Variants in AAK1 observed in about 807,000 individuals in gnomAD.
AAK1 encodes the protein AP2 associated kinase 1, also known as AP2-associated protein kinase 1.
A neutral mutation model predicts 116.0 loss-of-function variants in AAK1; 37 were observed. That is an observed-to-expected ratio of 0.32 (90% CI 0.25 to 0.42). The LOEUF (loss-of-function observed/expected upper bound fraction) is 0.42. Among genes scored for constraint, AAK1 ranks in the 10% least tolerant of loss-of-function variants. The probability of loss-of-function intolerance (pLI) is 1.00; values close to 1 mark genes in which losing one functional copy is unlikely to be tolerated. For missense variants in AAK1, 919 were observed against 1,170.6 expected (o/e 0.79, Z 3.14); for synonymous variants, 458 against 439.9 (o/e 1.04, Z -0.51).
chr2:69,552,644 G>A (rs989846386), intron 3 of AAK1, among the ~76,000 whole-genome samples: 2 of 152,018 alleles, frequency 1.3e-5, no homozygotes, highest in Admixed American at 6.6e-5. Context: ...CTGGGAGGCA[G>A]AGATTGCAGT....
In AAK1 at chr2:69,514,621, CTGTTGT is replaced by C. The variant is rs3832159; in HGVS notation, c.1620_1625del (p.Gln545_Gln546del). ...GGGCTGTGGCCAGCTGTTGCTGTTG[CTGTTGT>C]TGTTGCTGCTGCTGCTGCTGCTGGT... On this transcript the variant is annotated inframe_deletion, in exon 13 of 22. Coordinates refer to ENST00000409085, the MANE Select transcript of AAK1 (RefSeq NM_014911.5). 3 of 1,597,388 alleles carry C rather than the reference CTGTTGT, an allele frequency of 1.9e-6. No homozygotes were observed. The highest frequency in any genetic ancestry group is 4.5e-5 in the East Asian group (2 of 44,412).
intron 2 of AAK1, among the ~76,000 whole-genome samples, chr2:69,573,503 G>A (rs112298500): frequency 4.6e-5 from 7 of 152,054 alleles, no homozygotes; most frequent in Non-Finnish European, 7.4e-5. Flanking sequence ...GGAAAGGAAT[G>A]GGAGCTGAGT....
chr2:69,541,060 C>A (rs554153012), intron 5 of AAK1, among the ~76,000 whole-genome samples: 1 of 151,728 alleles, frequency 6.6e-6, no homozygotes, highest in Non-Finnish European at 1.5e-5. Context: ...AATACAGAGA[C>A]AGAAAGTAGA....
rs1674519087 is a variant in AAK1, at chr2:69,467,280, A to C, written c.*8589T>G. On this transcript the variant is annotated 3_prime_UTR_variant, in exon 22 of 22. Transcript: ENST00000409085. ...GCCATAAAGTTCTTTAAGCAGAAGG[A>C]GTAAAATGCATGGGCCATTACAGAA... is the stretch of plus-strand genomic sequence containing the variant. The C allele has an allele frequency of 1.0e-6, 1 of 985,346 alleles. No individual in the cohort carries two copies. Among genetic ancestry groups the C allele is most frequent in the East Asian group, 1.1e-4 (1 of 8,826 alleles). The allele number at this position is 985,346 out of a possible 1,614,324, so 61.0% of individuals were successfully genotyped here.
chr2:69,639,666 G>C (rs543594391), intron 2 of AAK1, among the ~76,000 whole-genome samples: 16 of 152,250 alleles, frequency 1.1e-4, no homozygotes, highest in African/African-American at 2.2e-4. Flanking sequence ...ACCCACGCTA[G>C]AGAAAAAGAG....
intron 2 of AAK1, among the ~76,000 whole-genome samples, chr2:69,636,405 C>CCTT (rs901635668): frequency 1.3e-5 from 2 of 152,122 alleles, no homozygotes; most frequent in Non-Finnish European, 2.9e-5. Flanking sequence ...GAACTTCATC[C>CCTT]TAAGTATATA....
intron 18 of AAK1, 129 bp from the exon 19 acceptor site, chr2:69,481,090 A>G (rs1675072205): frequency 1.3e-6 from 1 of 790,810 alleles, no homozygotes; most frequent in Non-Finnish European, 1.9e-6. Flanking sequence ...CTTGCTCCTG[A>G]GCTCAAGCGA....
intron 2 of AAK1, among the ~76,000 whole-genome samples, chr2:69,586,170 T>C (rs1371154192): frequency 6.6e-6 from 1 of 152,216 alleles, no homozygotes; most frequent in Non-Finnish European, 1.5e-5. Flanking sequence ...GCAGGTTTTG[T>C]CTAAGCACTG....
At chr2:69,540,593 A>G (rs1295561953) in intron 5 of AAK1, among the ~76,000 whole-genome samples, 2 of 152,252 alleles carry the variant, frequency 1.3e-5, no homozygotes, top group Admixed American at 1.3e-4. Context: ...TAAAACAAAA[A>G]AGGTCAATAA....
At chr2:69,548,460 CT>C (rs1172127371) in intron 3 of AAK1, among the ~76,000 whole-genome samples, 1 of 151,516 alleles carries the variant, frequency 6.6e-6, no homozygotes, top group Non-Finnish European at 1.5e-5. Context: ...ATCTTTCCTT[CT>C]TTTTCTTTCT....
intron 5 of AAK1, among the ~76,000 whole-genome samples, chr2:69,541,577 T>C (rs1283131298): frequency 6.6e-6 from 1 of 152,220 alleles, no homozygotes; most frequent in Non-Finnish European, 1.5e-5. Flanking sequence ...ATGTGAATTA[T>C]GTCTCAATTT....
rs1382283917 is a variant in AAK1 at position 69,459,888 on chromosome 2, A to C, written c.*15981T>G. 6.6e-6 allele frequency: 1 copy of C among 152,158 alleles called. No homozygotes were observed. The highest frequency in any genetic ancestry group is 2.4e-5 in the African/African-American group (1 of 41,416). The allele number at this position is 152,158 out of a possible 1,614,324, so 9.4% of individuals were successfully genotyped here. On this transcript the variant is annotated 3_prime_UTR_variant, in exon 22 of 22. Coordinates refer to ENST00000409085, the MANE Select transcript of AAK1 (RefSeq NM_014911.5). ...AACTTGCAAGTGTTCTTGGTGGTTAAAAAACAAAACAAAACTACAAGTATC... is the reference window on the plus strand; with the variant it reads ...AACTTGCAAGTGTTCTTGGTGGTTACAAAACAAAACAAAACTACAAGTATC...
In AAK1 at chr2:69,467,117, T is replaced by C. The variant is rs1428637371; in HGVS notation, c.*8752A>G. The C allele has an allele frequency of 1.1e-5, 11 of 985,262 alleles. No homozygotes were observed. The highest frequency in any genetic ancestry group is 1.3e-5 in the Non-Finnish European group (11 of 829,926). The allele number at this position is 985,262 out of a possible 1,614,324, so 61.0% of individuals were successfully genotyped here. A position where few individuals can be genotyped will look rare whatever the true frequency, so the allele number is the denominator to read the frequency against. On this transcript the variant is annotated 3_prime_UTR_variant, in exon 22 of 22. Coordinates refer to ENST00000409085, the MANE Select transcript of AAK1 (RefSeq NM_014911.5). ...AAAGAGCATACGAGTGCCCAAAATA[T>C]AAATACTGAAGGTACCTTCTGAGGG...
At position 69,466,733 on chromosome 2, in the gene AAK1, C is replaced by A; in HGVS notation, c.*9136G>T. 1 of 985,380 alleles carries A rather than the reference C, an allele frequency of 1.0e-6. No individual in the cohort carries two copies. The highest frequency in any genetic ancestry group is 1.2e-6 in the Non-Finnish European group (1 of 829,908). The allele number at this position is 985,380 out of a possible 1,614,324, so 61.0% of individuals were successfully genotyped here. A position where few individuals can be genotyped will look rare whatever the true frequency, so the allele number is the denominator to read the frequency against. ...TGCACACAAACTGGAACACAATCAACCACTGTCTCACGTTTTGGAACATGA... is the reference window on the plus strand; with the variant it reads ...TGCACACAAACTGGAACACAATCAAACACTGTCTCACGTTTTGGAACATGA... On this transcript the variant is annotated 3_prime_UTR_variant, in exon 22 of 22. Transcript: ENST00000409085.
chr2:69,565,094 C>T (rs1049979667), intron 2 of AAK1, among the ~76,000 whole-genome samples: 3 of 152,158 alleles, frequency 2.0e-5, no homozygotes, highest in Non-Finnish European at 4.4e-5. Context: ...TTTAACAAAA[C>T]GTATGGAGGG....
intron 2 of AAK1, among the ~76,000 whole-genome samples, chr2:69,613,056 C>T (rs1475344543): frequency 1.3e-5 from 2 of 152,146 alleles, no homozygotes; most frequent in Non-Finnish European, 2.9e-5. Flanking sequence ...TCATGAGGCC[C>T]ATCACCTCCC....
intron 2 of AAK1, among the ~76,000 whole-genome samples, chr2:69,570,583 G>A (rs759551267): frequency 6.6e-6 from 1 of 152,042 alleles, no homozygotes; most frequent in Non-Finnish European, 1.5e-5. Context: ...ATTCTAGGCT[G>A]TTCTCTAGGT....
chr2:69,536,037 T>G (rs892520447), intron 5 of AAK1, among the ~76,000 whole-genome samples: 1 of 152,246 alleles, frequency 6.6e-6, no homozygotes. Flanking sequence ...ATTGTCTCCC[T>G]TAATAGATTA....
intron 5 of AAK1, among the ~76,000 whole-genome samples, chr2:69,532,551 C>CA (rs1200027960): frequency 6.6e-6 from 1 of 152,144 alleles, no homozygotes; most frequent in African/African-American, 2.4e-5. Context: ...AGCCAACTAT[C>CA]AAAATCTCAT....
Sources: gnomAD v4.1 joint callset for allele counts (sites outside exome capture counted in the v4.1 genomes callset) on GRCh38, gnomAD v4.1.1 for gene constraint, MANE v1.5 for transcripts, NCBI Gene and HGNC (gene_info 2026-07-23, HGNC 2026-07-21) for gene names.